RGS22: variants seen among roughly 807,000 people sequenced by gnomAD.
RGS22 encodes the protein regulator of G protein signaling 22.
In RGS22, 148 loss-of-function variants were observed where a neutral mutation model predicts 172.9. The ratio of observed to expected loss-of-function variants is 0.86; its 90% CI spans 0.75 to 0.98. RGS22 has a LOEUF of 0.98. RGS22 is among the 50% of genes least tolerant of loss of function. The pLI, the probability that RGS22 is intolerant of heterozygous loss-of-function variation, is 0.00. For synonymous variants in RGS22, 458 were observed against 480.2 expected (o/e 0.95, Z 0.60); for missense variants, 1,347 against 1,440.8 (o/e 0.93, Z 1.05).
chr8:100,033,641 TAGAAACAGAGGGAATCCTCCCAAAAAA>T (rs1480510193), intron 14 of RGS22, among the ~76,000 whole-genome samples: 2 of 149,398 alleles, frequency 1.3e-5, no homozygotes, highest in African/African-American at 4.9e-5. Flanking sequence ...TTCCAAACAA[TAGAAACAGAGGGAATCCTCCCAAAAAA>T]AGAATTTTAG....
intron 22 of RGS22, 109 bp downstream of exon 22, chr8:99,981,828 C>T: frequency 1.1e-6 from 1 of 913,602 alleles, no homozygotes. Flanking sequence ...TCCCAAAGTG[C>T]TGGGATTACA....
intron 14 of RGS22, among the ~76,000 whole-genome samples, chr8:100,027,379 G>A (rs1168146730): frequency 1.3e-5 from 2 of 152,118 alleles, no homozygotes; most frequent in Non-Finnish European, 2.9e-5. Context: ...ACATTACTTG[G>A]CACATAGCAG....
chr8:100,019,887 AC>A (rs1294024181), intron 14 of RGS22, among the ~76,000 whole-genome samples: 1 of 149,620 alleles, frequency 6.7e-6, no homozygotes, highest in Non-Finnish European at 1.5e-5. Flanking sequence ...CAAAAAAAGT[AC>A]TTTTTTTTTT....
At chr8:100,001,202 T>TTATATATATATATA (rs140189906) in intron 18 of RGS22, among the ~76,000 whole-genome samples, 1 of 124,780 alleles carries the variant, frequency 8.0e-6, no homozygotes, top group African/African-American at 3.1e-5. Flanking sequence ...TCCCAATTTT[T>TTATATATATATATA]TATATATATA....
intron 14 of RGS22, among the ~76,000 whole-genome samples, chr8:100,029,857 C>T (rs1186591679): frequency 6.6e-6 from 1 of 151,768 alleles, no homozygotes; most frequent in African/African-American, 2.4e-5. Flanking sequence ...CCAAAAATCC[C>T]CAGGAAATTT....
chr8:100,006,052 C>A lies in RGS22; in HGVS notation c.2419G>T (p.Ala807Ser), dbSNP rs1002438693. 5.0e-6 allele frequency: 8 copies of A among 1,613,422 alleles called. No homozygotes were observed. Among genetic ancestry groups the A allele is most frequent in the Non-Finnish European group, 6.8e-6 (8 of 1,179,648 alleles). ...LDSTYFRKLQALHKETFSKKA... is the reference protein window; with the variant it reads ...LDSTYFRKLQSLHKETFSKKA... ...TTGGAAAATGTCTCTTTATGCAAAG[C>A]CTGTAGCTTTCTGAAGTATGTGGAG... Residue 807 changes from alanine to serine, a missense_variant, in exon 16 of 28, where the codon GCT becomes TCT. Ala to Ser is a moderately conservative substitution (Grantham distance 99, BLOSUM62 1). Transcript: ENST00000360863.
rs1446255193 is a variant in RGS22 at position 100,063,706 on chromosome 8, A to ATC, written c.1060_1061dup (p.Asp354GlufsTer14). The ATC allele has an allele frequency of 1.2e-6, 2 of 1,613,892 alleles. No homozygotes were observed. Among genetic ancestry groups the ATC allele is most frequent in the Non-Finnish European group, 1.7e-6 (2 of 1,179,958 alleles). ...TGCCATGAATAGACTCAAAACAATC[A>ATC]TCAAATGACACTTTTGTTATATTGT... On this transcript the variant is annotated frameshift_variant, in exon 8 of 28. Transcript: ENST00000360863. LOFTEE classifies it high-confidence loss of function.
chr8:100,089,866 T>C (rs1417555525), intron 3 of RGS22, among the ~76,000 whole-genome samples: 1 of 152,140 alleles, frequency 6.6e-6, no homozygotes, highest in African/African-American at 2.4e-5. Context: ...CATCATAGCA[T>C]GATGGGACAA....
intron 9 of RGS22, among the ~76,000 whole-genome samples, chr8:100,061,837 CACAT>C (rs1810158648): frequency 6.6e-6 from 1 of 152,138 alleles, no homozygotes; most frequent in Non-Finnish European, 1.5e-5. Flanking sequence ...ATTATAAAGA[CACAT>C]GCATGTGTAT....
At chr8:100,051,061 A>ATATTTATAT (rs1563668230) in intron 10 of RGS22, among the ~76,000 whole-genome samples, 1 of 152,100 alleles carries the variant, frequency 6.6e-6, no homozygotes, top group African/African-American at 2.4e-5. Flanking sequence ...ATATAGAAAT[A>ATATTTATAT]ATAAGCCTCA....
intron 14 of RGS22, among the ~76,000 whole-genome samples, chr8:100,023,610 T>C (rs1310386647): frequency 6.6e-6 from 1 of 152,050 alleles, no homozygotes; most frequent in East Asian, 1.9e-4. Flanking sequence ...ATTTTTTTAA[T>C]TTTTTGTAGA....
intron 14 of RGS22, among the ~76,000 whole-genome samples, chr8:100,026,899 G>A (rs996176081): frequency 6.6e-6 from 1 of 152,166 alleles, no homozygotes; most frequent in Non-Finnish European, 1.5e-5. Context: ...ACTGTTTTCT[G>A]CCAGTAAAGC....
intron 17 of RGS22, among the ~76,000 whole-genome samples, chr8:100,002,644 A>C (rs948286999): frequency 6.6e-6 from 1 of 152,230 alleles, no homozygotes; most frequent in Non-Finnish European, 1.5e-5. Flanking sequence ...GGGATCTCAG[A>C]GTTCTTTCAC....
chr8:100,027,082 C>A (rs993165372), intron 14 of RGS22, among the ~76,000 whole-genome samples: 2 of 151,924 alleles, frequency 1.3e-5, no homozygotes, highest in Non-Finnish European at 2.9e-5. Context: ...TTAGCTGGGG[C>A]TGGTGGTGTG....
chr8:100,011,431 G>C (rs1013348616), intron 14 of RGS22, among the ~76,000 whole-genome samples: 3 of 152,152 alleles, frequency 2.0e-5, no homozygotes, highest in African/African-American at 7.2e-5. Context: ...CTTTCTTACA[G>C]TCTATTCTTA....
intron 2 of RGS22, among the ~76,000 whole-genome samples, chr8:100,100,588 C>G (rs3101317): frequency 0.17 from 26,082 of 152,044 alleles, 2,833 homozygotes; most frequent in African/African-American, 0.31. Flanking sequence ...TTGCACCTGG[C>G]CTTTTTCTGA....
chr8:99,965,577 G>A, intron 23 of RGS22, 147 bp from the exon 24 acceptor site: 1 of 509,426 alleles, frequency 2.0e-6, no homozygotes, highest in South Asian at 3.5e-5. Flanking sequence ...TATCACTAAT[G>A]TGACAGAGTC....
rs867503488 is a variant in RGS22 at position 100,022,336 on chromosome 8, C to T, written c.2167-13767G>A. Among the ~76,000 whole-genome samples, 7 of 152,060 alleles carry T rather than the reference C, an allele frequency of 4.6e-5. 1 individual carries two copies. In the Middle Eastern group the frequency reaches 0.01, roughly 222 times the overall value. ...AAGCAAATGAGAGCCTAAGAAAATGCCAATAGGATAAAACAGTAAAACAAT... is the reference window on the plus strand; with the variant it reads ...AAGCAAATGAGAGCCTAAGAAAATGTCAATAGGATAAAACAGTAAAACAAT... On this transcript the variant is annotated intron_variant, in intron 14 of 27. Transcript: ENST00000360863.
intron 19 of RGS22, among the ~76,000 whole-genome samples, chr8:99,996,897 C>T (rs530041077): frequency 1.3e-5 from 2 of 152,298 alleles, no homozygotes; most frequent in South Asian, 4.1e-4. Flanking sequence ...CTAAAAGTTA[C>T]TCAACATGGA....
Sources: gnomAD v4.1 joint callset for allele counts (sites outside exome capture counted in the v4.1 genomes callset) on GRCh38, gnomAD v4.1.1 for gene constraint, MANE v1.5 for transcripts, NCBI Gene and HGNC (gene_info 2026-07-23, HGNC 2026-07-21) for gene names.